Variants in BCAS1 observed in about 807,000 individuals in gnomAD.
BCAS1 encodes the protein breast carcinoma-amplified sequence 1.
A neutral mutation model predicts 65.4 loss-of-function variants in BCAS1; 46 were observed. That is an observed-to-expected ratio of 0.70 (90% CI 0.55 to 0.90). The LOEUF (loss-of-function observed/expected upper bound fraction) is 0.90. Ranked by LOEUF, BCAS1 falls within the 40% of genes least tolerant of loss-of-function variation. The probability of loss-of-function intolerance (pLI) is 0.00; values close to 1 mark genes in which losing one functional copy is unlikely to be tolerated. For missense variants in BCAS1, 793 were observed against 771.2 expected, an observed-to-expected ratio of 1.03 and a Z score of -0.33; for synonymous variants, 298 against 293.5, an observed-to-expected ratio of 1.02 and a Z score of -0.16.
Position 53,953,623 on chromosome 20 carries a change from C to A in BCAS1, c.1624G>T (p.Glu542Ter). The change falls in exon 12 of 13, where the codon GAG (glutamate) becomes TAG (stop). Residue 542 changes from glutamate to a stop codon, truncating the protein, a stop_gained. Transcript: ENST00000688948. LOFTEE classifies it high-confidence loss of function. ...EPTGAPQKGK[E>*]GSSKDKKSAA... ...GACTTCTTGTCCTTCGAGGAGCCCT[C>A]TTTACCCTTCTGTGGTGCTCCTGTT... The A allele has an allele frequency of 6.2e-7, 1 of 1,613,862 alleles. No homozygotes were observed. The highest frequency in any genetic ancestry group is 8.5e-7 in the Non-Finnish European group (1 of 1,179,988).
intron 8 of BCAS1, among the ~76,000 whole-genome samples, chr20:53,981,460 C>A (rs1216860057): frequency 2.6e-5 from 4 of 152,236 alleles, no homozygotes; most frequent in Non-Finnish European, 1.5e-5. Context: ...TACCTGTACT[C>A]CACAGAGTAA....
At chr20:53,946,570 G>A (rs2089329043) in intron 12 of BCAS1, among the ~76,000 whole-genome samples, 1 of 150,570 alleles carries the variant, frequency 6.6e-6, no homozygotes, top group Admixed American at 6.6e-5. Flanking sequence ...ATAACGTATT[G>A]TAGCATAGTA....
intron 6 of BCAS1, among the ~76,000 whole-genome samples, chr20:53,993,307 C>A (rs750679408): frequency 1.3e-5 from 2 of 152,094 alleles, no homozygotes; most frequent in Non-Finnish European, 2.9e-5. Flanking sequence ...CAGGGACTTT[C>A]GTGTAGGGAA....
intron 3 of BCAS1, among the ~76,000 whole-genome samples, chr20:54,032,397 T>C (rs897418254): frequency 1.3e-5 from 2 of 151,368 alleles, no homozygotes; most frequent in African/African-American, 2.4e-5. Context: ...ACCAGTGACA[T>C]TGTAAAGCAA....
chr20:54,025,556 C>T (rs1701503762), intron 4 of BCAS1, among the ~76,000 whole-genome samples: 1 of 152,230 alleles, frequency 6.6e-6, no homozygotes, highest in African/African-American at 2.4e-5. Context: ...TATGTTTCCC[C>T]CAGGATGAAA....
At chr20:54,051,278 T>C (rs1453318738) in intron 3 of BCAS1, among the ~76,000 whole-genome samples, 1 of 152,222 alleles carries the variant, frequency 6.6e-6, no homozygotes, top group East Asian at 1.9e-4. Flanking sequence ...TCCTTCACAA[T>C]CCACCAAAGT....
At chr20:53,986,639 T>C (rs1478760587) in intron 7 of BCAS1, among the ~76,000 whole-genome samples, 1 of 152,166 alleles carries the variant, frequency 6.6e-6, no homozygotes. Context: ...GCCCAACACT[T>C]GTAATCCCAG....
intron 9 of BCAS1, among the ~76,000 whole-genome samples, chr20:53,972,916 GTGATAGGC>G (rs1249172634): frequency 1.3e-5 from 2 of 152,326 alleles, no homozygotes; most frequent in East Asian, 3.9e-4. Flanking sequence ...TTCCCTCCAA[GTGATAGGC>G]TGTCAGAAGA....
At chr20:53,954,138 C>G (rs570252018) in intron 11 of BCAS1, among the ~76,000 whole-genome samples, 67 of 152,312 alleles carry the variant, frequency 4.4e-4, no homozygotes, top group African/African-American at 1.6e-3. Flanking sequence ...TGGAGCTAAT[C>G]TCAGAGCTTT....
chr20:53,996,461 T>TAAAAAAAAAAAAA (rs143929524), intron 4 of BCAS1, among the ~76,000 whole-genome samples: 35 of 91,876 alleles, frequency 3.8e-4, no homozygotes, highest in South Asian at 1.2e-3. Flanking sequence ...TTATATCAAC[T>TAAAAAAAAAAAAA]AAAAAAAAAA....
At chr20:53,997,292 A>T (rs2145860455) in intron 4 of BCAS1, among the ~76,000 whole-genome samples, 1 of 152,356 alleles carries the variant, frequency 6.6e-6, no homozygotes, top group East Asian at 1.9e-4. Flanking sequence ...GCATTCAATA[A>T]ATATGTATCA....
intron 4 of BCAS1, among the ~76,000 whole-genome samples, chr20:54,003,988 GGAA>G (rs2091122696): frequency 6.6e-6 from 1 of 152,200 alleles, no homozygotes; most frequent in South Asian, 2.1e-4. Flanking sequence ...ATACGTATGA[GGAA>G]GGCGATTTTA....
chr20:54,062,718 A>G (rs532073024), intron 1 of BCAS1, among the ~76,000 whole-genome samples: 4 of 152,354 alleles, frequency 2.6e-5, no homozygotes, highest in Non-Finnish European at 4.4e-5. Flanking sequence ...TATTCTGATC[A>G]TTGCACACCC....
intron 12 of BCAS1, among the ~76,000 whole-genome samples, chr20:53,948,416 A>G (rs1275705443): frequency 6.6e-6 from 1 of 152,098 alleles, no homozygotes; most frequent in African/African-American, 2.4e-5. Context: ...AAAATTCTCC[A>G]CCTTTGTTAT....
chr20:54,016,332 T>A (rs952185051), intron 4 of BCAS1, among the ~76,000 whole-genome samples: 6 of 152,240 alleles, frequency 3.9e-5, no homozygotes, highest in Non-Finnish European at 5.9e-5. Context: ...ACATTTTTTA[T>A]TGATGCATAA....
chr20:53,968,896 A>T (rs912217721), intron 9 of BCAS1, among the ~76,000 whole-genome samples: 1 of 152,236 alleles, frequency 6.6e-6, no homozygotes, highest in Non-Finnish European at 1.5e-5. Flanking sequence ...TTGGACCCCA[A>T]TCTATCTTTA....
At chr20:53,946,850 GTACA>G (rs76464617) in intron 12 of BCAS1, among the ~76,000 whole-genome samples, 18,668 of 151,586 alleles carry the variant, frequency 0.12, 1,222 homozygotes, top group South Asian at 0.22. Context: ...TCTAGTATAT[GTACA>G]TAGTGTCATA....
chr20:54,010,588 T>G (rs141220018), intron 4 of BCAS1, among the ~76,000 whole-genome samples: 1 of 152,200 alleles, frequency 6.6e-6, no homozygotes, highest in Non-Finnish European at 1.5e-5. Flanking sequence ...AAAGAAATCA[T>G]AGGAGACCTA....
intron 1 of BCAS1, among the ~76,000 whole-genome samples, chr20:54,067,695 A>C (rs34522098): frequency 0.14 from 20,919 of 152,132 alleles, 1,900 homozygotes; most frequent in East Asian, 0.31. Flanking sequence ...AACCCCATGC[A>C]AGCTGGCCTG....
Sources: gnomAD v4.1 joint callset for allele counts (sites outside exome capture counted in the v4.1 genomes callset) on GRCh38, gnomAD v4.1.1 for gene constraint, MANE v1.5 for transcripts, NCBI Gene and HGNC (gene_info 2026-07-23, HGNC 2026-07-21) for gene names.